Variants in TMEM132D observed in about 807,000 individuals in gnomAD.
TMEM132D encodes mature OL transmembrane protein.
Under a neutral mutation model 62.3 loss-of-function variants are expected in TMEM132D, and 21 were observed. The observed-to-expected ratio is 0.34, with a 90% confidence interval of 0.24 to 0.49. TMEM132D has a LOEUF of 0.49. Among genes scored for constraint, TMEM132D ranks in the 20% least tolerant of loss-of-function variants. The pLI is 0.99. For synonymous variants in TMEM132D, 621 were observed against 575.6 expected (o/e 1.08, Z -1.13); for missense variants, 1,346 against 1,402.8 (o/e 0.96, Z 0.65).
At chr12:129,577,147 C>A (rs1396755674) in intron 2 of TMEM132D, among the ~76,000 whole-genome samples, 2 of 151,788 alleles carry the variant, frequency 1.3e-5, no homozygotes, top group East Asian at 3.9e-4. Context: ...TACTTGAGAA[C>A]CACTAGAGAT....
chr12:129,568,040 T>G (rs1877415833), intron 2 of TMEM132D, among the ~76,000 whole-genome samples: 1 of 152,204 alleles, frequency 6.6e-6, no homozygotes, highest in African/African-American at 2.4e-5. Flanking sequence ...AGTTTTCATT[T>G]CTCTCCCATT....
intron 3 of TMEM132D, among the ~76,000 whole-genome samples, chr12:129,367,189 A>G (rs12319171): frequency 0.22 from 33,321 of 152,112 alleles, 3,878 homozygotes; most frequent in Non-Finnish European, 0.26. Context: ...TGACGCCTTC[A>G]TTTGCTGGTG....
intron 2 of TMEM132D, among the ~76,000 whole-genome samples, chr12:129,607,006 G>A (rs1385798664): frequency 1.3e-5 from 2 of 151,758 alleles, no homozygotes; most frequent in East Asian, 3.9e-4. Context: ...TCTTGGAAAT[G>A]AAGAAACTGT....
rs138499195 is a variant in TMEM132D at position 129,257,961 on chromosome 12, G to T, written c.1300-48298C>A. Among the ~76,000 whole-genome samples, 397 of 152,290 alleles carry T rather than the reference G, an allele frequency of 2.6e-3. 3 individuals carry two copies. Among genetic ancestry groups the T allele is most frequent in the African/African-American group, 9.2e-3 (384 of 41,556 alleles). On this transcript the variant is annotated intron_variant, in intron 4 of 8. Transcript: ENST00000422113. ...AATTTACATGAGATGTAGAATCACAGAAGCCTTTTTTGCTCAAGCCATTCT... is the reference window on the plus strand; with the variant it reads ...AATTTACATGAGATGTAGAATCACATAAGCCTTTTTTGCTCAAGCCATTCT...
chr12:129,890,115 G>A (rs1297137699), intron 1 of TMEM132D, among the ~76,000 whole-genome samples: 7 of 152,162 alleles, frequency 4.6e-5, no homozygotes, highest in Admixed American at 2.6e-4. Context: ...CCAGTTCTAG[G>A]TCCCTTCTGG....
rs1288344352 is a variant in TMEM132D at position 129,774,784 on chromosome 12, A to T, written c.80-74086T>A. Among the ~76,000 whole-genome samples the T allele has an allele frequency of 2.0e-5, 3 of 152,220 alleles. No individual in the cohort carries two copies. The East Asian group carries it at 5.8e-4, about 29-fold the overall frequency. ...GGCAAAAATGAAGACACCATATGGC[A>T]CCAAAACTGTCCCTGGCTTAGTCTC... On this transcript the variant is annotated intron_variant, in intron 1 of 8. Transcript: ENST00000422113.
intron 4 of TMEM132D, among the ~76,000 whole-genome samples, chr12:129,252,816 AT>A (rs1880303405): frequency 6.6e-6 from 1 of 152,136 alleles, no homozygotes; most frequent in Non-Finnish European, 1.5e-5. Flanking sequence ...GATAGACTGG[AT>A]TAAGAAAATG....
At chr12:129,541,814 A>G (rs199665030) in intron 2 of TMEM132D, among the ~76,000 whole-genome samples, 4 of 152,294 alleles carry the variant, frequency 2.6e-5, no homozygotes, top group Admixed American at 6.5e-5. Context: ...TAGAAAATCA[A>G]TTTTAGCTAT....
In TMEM132D at chr12:129,903,998, G is replaced by C. The variant is rs1875468789; in HGVS notation, c.-659C>G. ...CCGGCCCCGGGCCCGGCTGGGGCTC[G>C]CGGGGCTCTACGCGCGCCGAGCGCA... On this transcript the variant is annotated 5_prime_UTR_variant, in exon 1 of 9. Coordinates refer to ENST00000422113, the MANE Select transcript of TMEM132D (RefSeq NM_133448.3). This position sits in a 1 kb window ranked among gnomAD's most constrained non-coding sequence, Gnocchi z 6.2. Among the ~76,000 whole-genome samples the C allele has an allele frequency of 6.7e-6, 1 of 149,290 alleles. No homozygotes were observed. Among genetic ancestry groups the C allele is most frequent in the African/African-American group, 2.4e-5 (1 of 41,108 alleles).
rs756313662 is a variant in TMEM132D at position 129,337,765 on chromosome 12, G to C, written c.1168C>G (p.Pro390Ala). The C allele has an allele frequency of 1.5e-5, 24 of 1,614,000 alleles. No individual in the cohort carries two copies. The South Asian group carries it at 2.6e-4, about 18-fold the overall frequency. Residue 390 changes from proline (P) to alanine (A), a missense_variant, in exon 4 of 9, where the codon CCT becomes GCT. Pro to Ala is a conservative substitution (Grantham distance 27, BLOSUM62 -1). Transcript: ENST00000422113. ...AGCTGTGTGGCTGGCAGGTCACCAG[G>C]CTCTTCCACCTCCACATCGATCTGC... is the stretch of plus-strand genomic sequence containing the variant. ...VMQIDVEVEE[P>A]GDLPATQLVT...
chr12:129,805,765 AT>A (rs1221905912), intron 1 of TMEM132D, among the ~76,000 whole-genome samples: 1 of 149,182 alleles, frequency 6.7e-6, no homozygotes, highest in Non-Finnish European at 1.5e-5. Context: ...AACCTACAGA[AT>A]GGGAGAAAAT....
chr12:129,873,404 T>C (rs1874318467), intron 1 of TMEM132D, among the ~76,000 whole-genome samples: 1 of 152,160 alleles, frequency 6.6e-6, no homozygotes, highest in South Asian at 2.1e-4. Flanking sequence ...AGGGCAGAAA[T>C]GAAGACAATT....
At chr12:129,118,525 G>A (rs1875962934) in intron 5 of TMEM132D, among the ~76,000 whole-genome samples, 1 of 152,210 alleles carries the variant, frequency 6.6e-6, no homozygotes, top group Non-Finnish European at 1.5e-5. Flanking sequence ...GACAGCTCCA[G>A]TTTCCATTAA....
At chr12:129,187,543 C>T in intron 5 of TMEM132D, among the ~76,000 whole-genome samples, 1 of 152,204 alleles carries the variant, frequency 6.6e-6, no homozygotes, top group East Asian at 1.9e-4. Context: ...AGTTTATCAT[C>T]CTGTATCACA....
rs559770006 is a variant in TMEM132D, at chr12:129,812,168, G to A, written c.79+91093C>T. ...TTACACAATCCTACAACCCAAATGC[G>A]CACATTCCCATAACGTGTCATCACC... is the stretch of plus-strand genomic sequence containing the variant. On this transcript the variant is annotated intron_variant, in intron 1 of 8. Transcript: ENST00000422113. 1.1e-3 allele frequency among the ~76,000 whole-genome samples: 160 copies of A among 151,726 alleles called. 9 individuals are homozygous for A. The South Asian group carries it at 0.026, about 25-fold the overall frequency.
At chr12:129,242,513 T>C in intron 4 of TMEM132D, among the ~76,000 whole-genome samples, 1 of 152,190 alleles carries the variant, frequency 6.6e-6, no homozygotes. Flanking sequence ...TATGTCCTTA[T>C]TTTTTAGTTT....
chr12:129,361,112 CAG>C (rs1870236760), intron 3 of TMEM132D, among the ~76,000 whole-genome samples: 5 of 152,114 alleles, frequency 3.3e-5, no homozygotes. Context: ...GGCTTGAAAA[CAG>C]TGTTTGGAGT....
intron 1 of TMEM132D, among the ~76,000 whole-genome samples, chr12:129,866,392 ATG>A (rs1471870968): frequency 7.0e-6 from 1 of 142,968 alleles, no homozygotes; most frequent in East Asian, 2.3e-4. Flanking sequence ...GAATTGAACA[ATG>A]AGAACACATG....
chr12:129,239,055 T>C (rs1429149138), intron 4 of TMEM132D, among the ~76,000 whole-genome samples: 8 of 150,420 alleles, frequency 5.3e-5, no homozygotes, highest in Non-Finnish European at 1.2e-4. Flanking sequence ...TATCTCACTG[T>C]GGTTTTGATT....
Sources: gnomAD v4.1 joint callset for allele counts (sites outside exome capture counted in the v4.1 genomes callset) on GRCh38, gnomAD v4.1.1 for gene constraint, Gnocchi (gnomAD v3.1) non-coding constraint, MANE v1.5 for transcripts, NCBI Gene and HGNC (gene_info 2026-07-23, HGNC 2026-07-21) for gene names.